ATG10: variants seen among roughly 807,000 people sequenced by gnomAD.
ATG10 encodes the protein ubiquitin-like-conjugating enzyme ATG10.
ATG10 carries 30 observed loss-of-function variants against 32.1 expected under a neutral mutation model. The ratio of observed to expected loss-of-function variants is 0.94; its 90% CI spans 0.70 to 1.27. ATG10 has a LOEUF of 1.27. ATG10 is among the 50% of genes most tolerant of loss of function. ATG10 has a pLI of 0.00. For missense variants in ATG10, 233 were observed against 262.3 expected, an observed-to-expected ratio of 0.89 and a Z score of 0.77; for synonymous variants, 87 against 91.5, an observed-to-expected ratio of 0.95 and a Z score of 0.28.
At chr5:82,088,651 C>T (rs1052101338) in intron 3 of ATG10, among the ~76,000 whole-genome samples, 8 of 152,122 alleles carry the variant, frequency 5.3e-5, no homozygotes, top group Non-Finnish European at 1.2e-4. Flanking sequence ...TGAAAGGCTT[C>T]GTGTGACTGA....
chr5:82,159,362 G>A (rs1743206339), intron 3 of ATG10, among the ~76,000 whole-genome samples: 1 of 152,192 alleles, frequency 6.6e-6, no homozygotes. Context: ...TGGGTAATTG[G>A]AAACTGTAGA....
chr5:82,170,366 A>G (rs561331872), intron 4 of ATG10, among the ~76,000 whole-genome samples: 1 of 152,326 alleles, frequency 6.6e-6, no homozygotes, highest in South Asian at 2.1e-4. Flanking sequence ...ATCACTGCCT[A>G]ACTTGTAACT....
At chr5:82,240,781 A>C (rs1351377266) in intron 5 of ATG10, among the ~76,000 whole-genome samples, 1 of 152,208 alleles carries the variant, frequency 6.6e-6, no homozygotes, top group African/African-American at 2.4e-5. Context: ...ATAAATATGT[A>C]CAACTATTAT....
rs1262525241 is a variant in ATG10 at position 82,087,521 on chromosome 5, CTG to C, written c.216+28923_216+28924del. Among the ~76,000 whole-genome samples the C allele has an allele frequency of 5.3e-5, 8 of 152,254 alleles. No homozygotes were observed. In the Middle Eastern group the frequency reaches 0.017, roughly 324 times the overall value. The stretch of plus-strand genomic sequence containing the variant: ...TAGCACTCATTTTCTACTTTTCTGA[CTG>C]TGTATTTCTATATTGTCACTTATTA... On this transcript the variant is annotated intron_variant, in intron 3 of 7. Transcript: ENST00000282185.
chr5:81,975,542 C>T (rs1760844930), intron 1 of ATG10, among the ~76,000 whole-genome samples: 1 of 152,032 alleles, frequency 6.6e-6, no homozygotes, highest in Admixed American at 6.6e-5. Flanking sequence ...ATTAGCTGTG[C>T]ATGGTGGTGC....
intron 2 of ATG10, among the ~76,000 whole-genome samples, chr5:82,022,828 G>A (rs566773245): frequency 6.6e-6 from 1 of 151,774 alleles, no homozygotes; most frequent in African/African-American, 2.4e-5. Context: ...GTTCGAGGCA[G>A]GGTCAAGACT....
chr5:82,182,178 G>A (rs1459579523), intron 5 of ATG10, among the ~76,000 whole-genome samples: 1 of 152,116 alleles, frequency 6.6e-6, no homozygotes, highest in Non-Finnish European at 1.5e-5. Flanking sequence ...TGTGCAGGGT[G>A]TATAGTGGTC....
chr5:82,117,275 G>A (rs1765846082), intron 3 of ATG10, among the ~76,000 whole-genome samples: 1 of 152,126 alleles, frequency 6.6e-6, no homozygotes, highest in Non-Finnish European at 1.5e-5. Flanking sequence ...GAAATGGAAT[G>A]AGGTTTGAGT....
intron 2 of ATG10, among the ~76,000 whole-genome samples, chr5:82,052,593 A>G (rs1036663960): frequency 4.6e-5 from 7 of 152,196 alleles, no homozygotes; most frequent in Admixed American, 3.9e-4. Flanking sequence ...TACATTAAAA[A>G]GTTAAGTCTC....
At chr5:81,974,972 A>G (rs1760827109) in intron 1 of ATG10, among the ~76,000 whole-genome samples, 1 of 152,160 alleles carries the variant, frequency 6.6e-6, no homozygotes, top group Non-Finnish European at 1.5e-5. Context: ...ATTAACTGAA[A>G]TCTAACTACT....
At chr5:82,020,581 C>T (rs961200349) in intron 2 of ATG10, among the ~76,000 whole-genome samples, 4 of 152,132 alleles carry the variant, frequency 2.6e-5, no homozygotes, top group African/African-American at 9.7e-5. Context: ...AGCTGATGTG[C>T]ACAGGGCTTG....
chr5:82,091,366 G>A (rs1223134515), intron 3 of ATG10, among the ~76,000 whole-genome samples: 1 of 152,026 alleles, frequency 6.6e-6, no homozygotes, highest in Non-Finnish European at 1.5e-5. Context: ...CACCATGCCT[G>A]ACTTATTTCT....
chr5:82,063,771 C>T lies in ATG10; in HGVS notation c.216+5169C>T, dbSNP rs538923594. 4.3e-4 allele frequency among the ~76,000 whole-genome samples: 65 copies of T among 152,166 alleles called. 1 individual carries two copies. Among genetic ancestry groups the T allele is most frequent in the Admixed American group, 3.8e-3 (58 of 15,280 alleles). On this transcript the variant is annotated intron_variant, in intron 3 of 7. Transcript: ENST00000282185. ...CCTCCCAAAGTGCTGGGATTACAGGCGTTGAGCCACCATGCCCGGCTGAAC... is the reference window on the plus strand; with the variant it reads ...CCTCCCAAAGTGCTGGGATTACAGGTGTTGAGCCACCATGCCCGGCTGAAC...
intron 5 of ATG10, among the ~76,000 whole-genome samples, chr5:82,206,238 GA>G (rs1003578281): frequency 6.6e-6 from 1 of 152,178 alleles, no homozygotes; most frequent in Non-Finnish European, 1.5e-5. Context: ...TAGAAGGAAA[GA>G]CTGTGAATCA....
chr5:82,240,595 A>G (rs879407515), intron 5 of ATG10, among the ~76,000 whole-genome samples: 15 of 152,218 alleles, frequency 9.9e-5, no homozygotes, highest in Non-Finnish European at 1.9e-4. Flanking sequence ...AATGTTTGTT[A>G]GAACAATAGG....
intron 3 of ATG10, among the ~76,000 whole-genome samples, chr5:82,099,809 C>G (rs1324763036): frequency 2.6e-5 from 4 of 152,046 alleles, no homozygotes. Context: ...CATTTCAAAT[C>G]TGAAAAGCAG....
At chr5:82,067,285 T>A (rs1010042831) in intron 3 of ATG10, among the ~76,000 whole-genome samples, 1 of 152,138 alleles carries the variant, frequency 6.6e-6, no homozygotes, top group Non-Finnish European at 1.5e-5. Flanking sequence ...CAGATTAGGA[T>A]CTTTAATTCC....
rs556198477 is a variant in ATG10, at chr5:82,197,132, T to C, written c.453+18545T>C. Among the ~76,000 whole-genome samples, 96 of 152,310 alleles carry C rather than the reference T, an allele frequency of 6.3e-4. 1 individual carries two copies. The South Asian group carries it at 0.019, about 31-fold the overall frequency. ...TTTTTTCATTAAATTTATTCCTACA[T>C]ATTTTGTTCTTTTTGATGCTGTTGT... On this transcript the variant is annotated intron_variant, in intron 5 of 7. Transcript: ENST00000282185.
intron 2 of ATG10, among the ~76,000 whole-genome samples, chr5:82,030,833 G>A (rs1043290635): frequency 6.6e-6 from 1 of 152,102 alleles, no homozygotes; most frequent in Non-Finnish European, 1.5e-5. Context: ...TTAAAATTGT[G>A]TGTTACTGTT....
Sources: gnomAD v4.1 joint callset for allele counts (sites outside exome capture counted in the v4.1 genomes callset) on GRCh38, gnomAD v4.1.1 for gene constraint, MANE v1.5 for transcripts, NCBI Gene and HGNC (gene_info 2026-07-23, HGNC 2026-07-21) for gene names.